Variants in DMXL1 observed in about 807,000 individuals in gnomAD.
The protein encoded by DMXL1 is Dmx like 1, also known as dmX-like protein 1.
Under a neutral mutation model 319.2 loss-of-function variants are expected in DMXL1, and 99 were observed. That is an observed-to-expected ratio of 0.31 (90% CI 0.26 to 0.37). DMXL1 has a LOEUF of 0.37. DMXL1 is among the 10% of genes least tolerant of loss of function. The probability of loss-of-function intolerance (pLI) is 1.00; values close to 1 mark genes in which losing one functional copy is unlikely to be tolerated. For missense variants in DMXL1, 3,745 were observed against 3,595.6 expected (o/e 1.04, Z -1.06); for synonymous variants, 1,385 against 1,235.2 (o/e 1.12, Z -2.54).
At position 119,215,222 on chromosome 5, in the gene DMXL1, T is replaced by C. The variant is rs17144978; in HGVS notation, c.7927-1679T>C. On this transcript the variant is annotated intron_variant, in intron 34 of 43. Transcript: ENST00000539542. ...ACTCTTTATATCTGGCAACTGATTT[T>C]TGTTTGTGTAGGGATATTTTGGTTT... Among the ~76,000 whole-genome samples the C allele has an allele frequency of 4.2e-3, 646 of 152,306 alleles. 12 individuals are homozygous for C. The highest frequency in any genetic ancestry group is 0.035 in the South Asian group (167 of 4,830).
intron 1 of DMXL1, among the ~76,000 whole-genome samples, chr5:119,077,252 G>A (rs528660482): frequency 4.8e-4 from 73 of 150,548 alleles, no homozygotes; most frequent in Admixed American, 1.4e-3. Flanking sequence ...GATTACAGGT[G>A]TGCCCCACTG....
intron 39 of DMXL1, among the ~76,000 whole-genome samples, chr5:119,234,663 T>C (rs1787398380): frequency 6.6e-6 from 1 of 152,162 alleles, no homozygotes; most frequent in South Asian, 2.1e-4. Flanking sequence ...TATTGTACTT[T>C]TAGTTGTATT....
intron 25 of DMXL1, among the ~76,000 whole-genome samples, chr5:119,173,766 A>G (rs200516979): frequency 0.088 from 6,671 of 75,836 alleles, 488 homozygotes; most frequent in African/African-American, 0.23. Context: ...ATATATATAT[A>G]TGTGTGTGTG....
At position 119,149,491 on chromosome 5, in the gene DMXL1, G is replaced by C. The variant is rs1769300753; in HGVS notation, c.3664G>C (p.Val1222Leu). 6.2e-7 allele frequency: 1 copy of C among 1,613,810 alleles called. No homozygotes were observed. ...ACCTTTTCCTGTTTCTTTATCGTGGGTCCGGGATGGCATCCTTGTGGTAGG... is the reference window on the plus strand; with the variant it reads ...ACCTTTTCCTGTTTCTTTATCGTGGCTCCGGGATGGCATCCTTGTGGTAGG... ...SPPFPVSLSW[V>L]RDGILVVGMD... Residue 1222 changes from valine to leucine, a missense_variant, in exon 18 of 44, where the codon GTC becomes CTC. Val to Leu is a conservative substitution (Grantham distance 32, BLOSUM62 1). This residue lies in a region of DMXL1 where 2,096 missense variants were observed against 1,985.4 expected (regional missense o/e 1.06). Transcript: ENST00000539542.
At chr5:119,163,608 A>G (rs548830986) in intron 19 of DMXL1, among the ~76,000 whole-genome samples, 2 of 152,196 alleles carry the variant, frequency 1.3e-5, no homozygotes, top group South Asian at 4.1e-4. Context: ...TTTGTTTTGA[A>G]GACGGAGTCT....
In DMXL1 at chr5:119,150,178, C is replaced by T; in HGVS notation, c.4351C>T (p.Leu1451Phe). Reference protein sequence around the residue: ...ESYDELFQTQLLMTDTHMLET... With the variant: ...ESYDELFQTQFLMTDTHMLET... ...TTATGATGAGCTTTTTCAGACTCAA[C>T]TTCTAATGACTGATACTCATATGTT... Residue 1451 changes from leucine to phenylalanine, a missense_variant, in exon 18 of 44, where the codon CTT becomes TTT. Leu to Phe is a conservative substitution (Grantham distance 22). This residue lies in a region of DMXL1 where 2,096 missense variants were observed against 1,985.4 expected (regional missense o/e 1.06). Coordinates refer to ENST00000539542, the MANE Select transcript of DMXL1 (RefSeq NM_001290321.3). The T allele has an allele frequency of 2.5e-6, 4 of 1,613,718 alleles. No individual in the cohort carries two copies. The highest frequency in any genetic ancestry group is 3.3e-4 in the Middle Eastern group (2 of 6,058).
chr5:119,189,919 A>G (rs1242447621), intron 29 of DMXL1, 33 bp downstream of exon 29: 8 of 1,554,662 alleles, frequency 5.1e-6, no homozygotes, highest in South Asian at 1.1e-5. Flanking sequence ...CAATATTTTC[A>G]TAGTCAAATA....
intron 39 of DMXL1, among the ~76,000 whole-genome samples, chr5:119,234,147 T>A (rs1787279580): frequency 6.6e-6 from 1 of 152,078 alleles, no homozygotes; most frequent in Admixed American, 6.6e-5. Flanking sequence ...TGTCTTCACT[T>A]CTCATAATCC....
intron 43 of DMXL1, among the ~76,000 whole-genome samples, chr5:119,245,897 TA>T (rs59524263): frequency 0.18 from 25,888 of 144,022 alleles, 3,779 homozygotes; most frequent in East Asian, 0.49. Context: ...TAATCAAGGT[TA>T]AAAAAAAAAA....
rs753427714 is a variant in DMXL1 at position 119,244,391 on chromosome 5, T to G, written c.8737T>G (p.Leu2913Val). The G allele has an allele frequency of 1.2e-6, 2 of 1,613,986 alleles. No homozygotes were observed. The highest frequency in any genetic ancestry group is 8.5e-7 in the Non-Finnish European group (1 of 1,179,986). Residue 2913 changes from leucine (L) to valine (V), a missense_variant, in exon 43 of 44, where the codon TTA (leucine) becomes GTA (valine). Coordinates refer to ENST00000539542, the MANE Select transcript of DMXL1 (RefSeq NM_001290321.3). ...FTCHDSGATV[L>V]AYAPKHQLLI... ...CTGCCATGACAGTGGAGCCACAGTTTTAGCATATGCTCCAAAACATCAGCT... is the reference window on the plus strand; with the variant it reads ...CTGCCATGACAGTGGAGCCACAGTTGTAGCATATGCTCCAAAACATCAGCT...
In DMXL1 at chr5:119,161,870, A is replaced by G. The variant is rs185107975; in HGVS notation, c.4703-2637A>G. 2.0e-4 allele frequency among the ~76,000 whole-genome samples: 30 copies of G among 152,172 alleles called. No homozygotes were observed. The East Asian group carries it at 5.8e-3, about 29-fold the overall frequency. ...CAGGTAGGATAGGCTATTGGCTGTTACCTCTAATTGGATGCTACCACTGGC... is the reference window on the plus strand; with the variant it reads ...CAGGTAGGATAGGCTATTGGCTGTTGCCTCTAATTGGATGCTACCACTGGC... On this transcript the variant is annotated intron_variant, in intron 19 of 43. Transcript: ENST00000539542.
chr5:119,152,057 T>C, intron 19 of DMXL1, 21 bp downstream of exon 19: 1 of 1,533,626 alleles, frequency 6.5e-7, no homozygotes, highest in African/African-American at 1.4e-5. Context: ...TAGTAATCTA[T>C]TAAAGGGAAA....
In DMXL1 at chr5:119,244,426, A is replaced by G. The variant is rs759560262; in HGVS notation, c.8772A>G (p.Ser2924=). The part of the protein sequence containing the change: ...AYAPKHQLLI[S]GGRKGFTYVF... ...CTCCAAAACATCAGCTACTAATATC[A>G]GGTGGCAGAAAAGGTTTTACATATG... is the stretch of plus-strand genomic sequence containing the variant. Residue 2924 remains serine, a synonymous_variant, in exon 43 of 44, where the codon TCA becomes TCG. Coordinates refer to ENST00000539542, the MANE Select transcript of DMXL1 (RefSeq NM_001290321.3). The G allele has an allele frequency of 2.2e-5, 35 of 1,614,020 alleles. No homozygotes were observed. Among genetic ancestry groups the G allele is most frequent in the Non-Finnish European group, 2.8e-5 (33 of 1,180,022 alleles).
At chr5:119,229,732 C>G (rs1317707633) in intron 38 of DMXL1, among the ~76,000 whole-genome samples, 1 of 152,110 alleles carries the variant, frequency 6.6e-6, no homozygotes, top group Admixed American at 6.5e-5. Context: ...GATTAGAATT[C>G]TTAACTGTTA....
At chr5:119,110,734 A>T (rs2149849376) in intron 5 of DMXL1, among the ~76,000 whole-genome samples, 2 of 152,370 alleles carry the variant, frequency 1.3e-5, no homozygotes, top group South Asian at 4.1e-4. Context: ...GAAAGAAAAG[A>T]AGAATGAAGA....
At chr5:119,203,603 A>G (rs1472358252) in intron 33 of DMXL1, among the ~76,000 whole-genome samples, 167 bp downstream of exon 33, 2 of 152,186 alleles carry the variant, frequency 1.3e-5, no homozygotes, top group East Asian at 1.9e-4. Flanking sequence ...CAGTATTTTC[A>G]TAAATCAATT....
intron 31 of DMXL1, 140 bp downstream of exon 31, chr5:119,196,596 A>G: frequency 1.6e-6 from 1 of 637,696 alleles, no homozygotes; most frequent in Non-Finnish European, 2.7e-6. Context: ...TCTTTTAACT[A>G]AACCAACCAT....
At chr5:119,162,669 T>A (rs1262133680) in intron 19 of DMXL1, among the ~76,000 whole-genome samples, 1 of 152,212 alleles carries the variant, frequency 6.6e-6, no homozygotes, top group Non-Finnish European at 1.5e-5. Context: ...GGGATATAAA[T>A]ATGCAAATCA....
In DMXL1 at chr5:119,206,846, A is replaced by G; in HGVS notation, c.7876A>G (p.Asn2626Asp). The G allele has an allele frequency of 6.5e-7, 1 of 1,526,958 alleles. No homozygotes were observed. The highest frequency in any genetic ancestry group is 1.2e-5 in the South Asian group (1 of 83,234). The allele number at this position is 1,526,958 out of a possible 1,614,324, so 94.6% of individuals were successfully genotyped here. Residue 2626 changes from asparagine (N) to aspartate (D), a missense_variant, in exon 34 of 44, where the codon AAC (asparagine) becomes GAC (aspartate). Around this residue, in one of 4 missense-constraint regions of DMXL1, gnomAD observed 1,382 missense variants for 1,269.5 expected, o/e 1.09. Coordinates refer to ENST00000539542, the MANE Select transcript of DMXL1 (RefSeq NM_001290321.3). ...KRCLNESLED[N>D]SETIKNSMME... ...TTTCTTGATGAAGTCATTAGAGGACAACAGTGAAACCATCAAAAATTCTAT... is the reference window on the plus strand; with the variant it reads ...TTTCTTGATGAAGTCATTAGAGGACGACAGTGAAACCATCAAAAATTCTAT...
Sources: gnomAD v4.1 joint callset for allele counts (sites outside exome capture counted in the v4.1 genomes callset) on GRCh38, gnomAD v4.1.1 for gene constraint, gnomAD v4.1.1 regional missense constraint, MANE v1.5 for transcripts, NCBI Gene and HGNC (gene_info 2026-07-23, HGNC 2026-07-21) for gene names.